RBFOX1: variants seen among roughly 807,000 people sequenced by gnomAD.
The protein encoded by RBFOX1 is RNA binding fox-1 homolog 1.
RBFOX1 carries 8 observed loss-of-function variants against 57.7 expected under a neutral mutation model. The observed-to-expected ratio is 0.14, with a 90% CI of 0.08 to 0.25. The LOEUF (loss-of-function observed/expected upper bound fraction) is 0.25. RBFOX1 is among the 10% of genes least tolerant of loss of function. RBFOX1 has a pLI of 1.00. For missense variants in RBFOX1, 611 were observed against 548.5 expected (o/e 1.11, Z -1.14); for synonymous variants, 326 against 222.4 (o/e 1.47, Z -4.15).
intron 2 of RBFOX1, among the ~76,000 whole-genome samples, chr16:6,384,762 G>T (rs575309132): frequency 1.3e-5 from 2 of 152,152 alleles, no homozygotes; most frequent in African/African-American, 4.8e-5. Flanking sequence ...AAAGACCAAG[G>T]CTTCAAGCTT....
At chr16:6,123,662 T>C (rs528011712) in intron 1 of RBFOX1, among the ~76,000 whole-genome samples, 2 of 152,292 alleles carry the variant, frequency 1.3e-5, no homozygotes, top group Non-Finnish European at 2.9e-5. Context: ...TTCAGCACTT[T>C]GGGAGGCTGA....
chr16:7,679,390 G>A (rs1272931617), intron 14 of RBFOX1, among the ~76,000 whole-genome samples: 1 of 152,150 alleles, frequency 6.6e-6, no homozygotes, highest in African/African-American at 2.4e-5. Context: ...TTCCTCTTCT[G>A]TAGAAGACAG....
At chr16:5,299,206 T>C (rs1286672698) in intron 1 of RBFOX1, among the ~76,000 whole-genome samples, 2 of 150,908 alleles carry the variant, frequency 1.3e-5, no homozygotes, top group East Asian at 3.9e-4. Flanking sequence ...ATGCCTGGCT[T>C]TTTTTTTTGC....
intron 1 of RBFOX1, among the ~76,000 whole-genome samples, chr16:5,401,891 C>T (rs758093048): frequency 2.0e-5 from 3 of 152,062 alleles, no homozygotes; most frequent in Admixed American, 6.6e-5. Flanking sequence ...GTCTCTGTCT[C>T]TCTTTCTTTT....
chr16:6,794,627 G>T (rs1208655068), intron 3 of RBFOX1, among the ~76,000 whole-genome samples: 1 of 152,098 alleles, frequency 6.6e-6, no homozygotes, highest in African/African-American at 2.4e-5. Flanking sequence ...TAGTTTCTAG[G>T]CATGTAAAGC....
chr16:6,801,573 A>G (rs897138137), intron 3 of RBFOX1, among the ~76,000 whole-genome samples: 3 of 151,988 alleles, frequency 2.0e-5, no homozygotes, highest in African/African-American at 7.2e-5. Context: ...GGAAGCCCAT[A>G]ATTGGGGTGG....
chr16:5,470,735 G>T (rs542999390), intron 2 of RBFOX1, among the ~76,000 whole-genome samples: 1 of 152,186 alleles, frequency 6.6e-6, no homozygotes, highest in East Asian at 1.9e-4. Flanking sequence ...TGGCAGAGCT[G>T]GGATTTGAAC....
chr16:6,828,971 T>C (rs897830628), intron 3 of RBFOX1, among the ~76,000 whole-genome samples: 3 of 150,586 alleles, frequency 2.0e-5, no homozygotes, highest in African/African-American at 7.3e-5. Context: ...TGTGTACTTT[T>C]CCCGTTGTTA....
chr16:5,763,543 C>T lies in RBFOX1; in HGVS notation c.319-103760C>T, dbSNP rs192917553. ...CCTTTCCTTATCCCCATATTTTCACCGAGTAAATTGCTGCGATAGAACATA... is the reference window on the plus strand; with the variant it reads ...CCTTTCCTTATCCCCATATTTTCACTGAGTAAATTGCTGCGATAGAACATA... On this transcript the variant is annotated intron_variant, in intron 3 of 19. Coordinates refer to the RBFOX1 transcript ENST00000641259. Among the ~76,000 whole-genome samples, 21 of 152,312 alleles carry T rather than the reference C, an allele frequency of 1.4e-4. No individual in the cohort carries two copies. In the East Asian group the frequency reaches 2.5e-3, roughly 18 times the overall value.
intron 4 of RBFOX1, among the ~76,000 whole-genome samples, chr16:7,229,439 T>C (rs981187223): frequency 2.0e-5 from 3 of 151,818 alleles, no homozygotes; most frequent in Non-Finnish European, 2.9e-5. Context: ...GTCATCTATG[T>C]AGATGATGTC....
chr16:5,919,926 T>C (rs11076988), intron 4 of RBFOX1, among the ~76,000 whole-genome samples: 53,342 of 151,940 alleles, frequency 0.35, 9,916 homozygotes, highest in Middle Eastern at 0.46. Flanking sequence ...TTCATCCATA[T>C]TGAAACATAT....
chr16:6,914,198 T>C (rs904310124), intron 3 of RBFOX1, among the ~76,000 whole-genome samples: 1 of 152,216 alleles, frequency 6.6e-6, no homozygotes, highest in Non-Finnish European at 1.5e-5. Context: ...CCTTCTAAAA[T>C]ACCTCACTGA....
chr16:5,672,934 C>A (rs535952889), intron 3 of RBFOX1, among the ~76,000 whole-genome samples: 2 of 151,810 alleles, frequency 1.3e-5, no homozygotes, highest in Non-Finnish European at 2.9e-5. Context: ...CATTCTCCAT[C>A]CTGAACTTTT....
intron 4 of RBFOX1, among the ~76,000 whole-genome samples, chr16:7,516,896 GA>G (rs1452169853): frequency 6.6e-6 from 1 of 151,978 alleles, no homozygotes; most frequent in African/African-American, 2.4e-5. Context: ...TTGCTTTAGA[GA>G]AAGAGGATTT....
chr16:5,316,936 A>G (rs1429234204), intron 1 of RBFOX1, among the ~76,000 whole-genome samples: 4 of 152,186 alleles, frequency 2.6e-5, no homozygotes, highest in Middle Eastern at 3.4e-3. Flanking sequence ...CAAAAAGGTA[A>G]AGGAAGGGTG....
intron 14 of RBFOX1, among the ~76,000 whole-genome samples, chr16:7,699,920 G>A (rs1355416357): frequency 6.6e-6 from 1 of 152,106 alleles, no homozygotes; most frequent in African/African-American, 2.4e-5. Context: ...ATGTTCACCA[G>A]GAGTTAAAAT....
At chr16:6,742,527 C>G (rs570454440) in intron 3 of RBFOX1, among the ~76,000 whole-genome samples, 5 of 152,130 alleles carry the variant, frequency 3.3e-5, no homozygotes, top group Non-Finnish European at 5.9e-5. Context: ...CCCCAGAAAG[C>G]TATACACAAT....
chr16:5,749,919 T>G (rs2053130261), intron 3 of RBFOX1, among the ~76,000 whole-genome samples: 1 of 152,248 alleles, frequency 6.6e-6, no homozygotes, highest in African/African-American at 2.4e-5. Context: ...GGAGCTGCGT[T>G]CCTTTAGAGG....
At chr16:6,998,774 A>G (rs976399987) in intron 3 of RBFOX1, among the ~76,000 whole-genome samples, 6 of 152,110 alleles carry the variant, frequency 3.9e-5, no homozygotes, top group Non-Finnish European at 8.8e-5. Context: ...AGGGCATTTT[A>G]TTACAGACTC....
Sources: gnomAD v4.1 joint callset for allele counts (sites outside exome capture counted in the v4.1 genomes callset) on GRCh38, gnomAD v4.1.1 for gene constraint, MANE v1.5 for transcripts, NCBI Gene and HGNC (gene_info 2026-07-23, HGNC 2026-07-21) for gene names.